KCNB2: variants seen among roughly 807,000 people sequenced by gnomAD.
The protein encoded by KCNB2 is potassium voltage-gated channel subfamily B member 2, also known as delayed rectifier potassium channel protein.
In KCNB2, 15 loss-of-function variants were observed where a neutral mutation model predicts 61.5. The observed-to-expected ratio is 0.24, with a 90% CI of 0.16 to 0.38. The LOEUF is 0.38. Ranked by LOEUF, KCNB2 falls within the 10% of genes least tolerant of loss-of-function variation. The pLI, the probability that KCNB2 is intolerant of heterozygous loss-of-function variation, is 1.00. For synonymous variants in KCNB2, 457 were observed against 446.0 expected (o/e 1.02, Z -0.31); for missense variants, 828 against 1,125.2 (o/e 0.74, Z 3.78).
chr8:72,676,385 G>A (rs531313075), intron 2 of KCNB2, among the ~76,000 whole-genome samples: 59 of 151,822 alleles, frequency 3.9e-4, no homozygotes, highest in African/African-American at 1.4e-3. Flanking sequence ...CAAAAGCATC[G>A]TGGAAAGACT....
At chr8:72,702,483 C>T (rs1036618241) in intron 2 of KCNB2, among the ~76,000 whole-genome samples, 11 of 152,052 alleles carry the variant, frequency 7.2e-5, no homozygotes, top group African/African-American at 2.7e-4. Context: ...GTTATGTCCC[C>T]CAGAGTCTGG....
In KCNB2 at chr8:72,936,968, A is replaced by G. The variant is rs1806917795; in HGVS notation, c.1613A>G (p.Gln538Arg). 6.2e-7 allele frequency: 1 copy of G among 1,614,100 alleles called. No homozygotes were observed. Among genetic ancestry groups the G allele is most frequent in the African/African-American group, 1.3e-5 (1 of 74,944 alleles). ...TCCAGCCCACAGCATCTGAGTGCCC[A>G]GAAACTGGAGATGCTATACAATGAA... ...SSSSPQHLSA[Q>R]KLEMLYNEIT... is the part of the protein sequence containing the mutation. Residue 538 changes from glutamine to arginine, a missense_variant, in exon 3 of 3, where the codon CAG becomes CGG. Coordinates refer to ENST00000523207, the MANE Select transcript of KCNB2 (RefSeq NM_004770.3). This position sits in a 1 kb window ranked among gnomAD's most constrained non-coding sequence, Gnocchi z 5.6.
chr8:72,852,424 A>G (rs564383973), intron 2 of KCNB2, among the ~76,000 whole-genome samples: 65 of 152,314 alleles, frequency 4.3e-4, no homozygotes, highest in African/African-American at 1.5e-3. Flanking sequence ...CATCAGCAGT[A>G]TTTCATATTT....
At chr8:72,728,338 G>A (rs368421919) in intron 2 of KCNB2, among the ~76,000 whole-genome samples, 82 of 152,292 alleles carry the variant, frequency 5.4e-4, no homozygotes, top group Admixed American at 1.0e-3. Context: ...TCACAGAGAA[G>A]CTGATCAAGA....
At chr8:72,604,416 C>A (rs1486228173) in intron 2 of KCNB2, among the ~76,000 whole-genome samples, 1 of 152,104 alleles carries the variant, frequency 6.6e-6, no homozygotes, top group African/African-American at 2.4e-5. Flanking sequence ...ACCTTGAGAT[C>A]AAGTTTGGGA....
intron 2 of KCNB2, among the ~76,000 whole-genome samples, chr8:72,728,594 C>T (rs1807688872): frequency 6.6e-6 from 1 of 151,990 alleles, no homozygotes; most frequent in Non-Finnish European, 1.5e-5. Flanking sequence ...AGATAGATAT[C>T]TATGATATAA....
At chr8:72,577,766 C>T (rs1806821307) in intron 2 of KCNB2, among the ~76,000 whole-genome samples, 1 of 152,142 alleles carries the variant, frequency 6.6e-6, no homozygotes, top group Non-Finnish European at 1.5e-5. Context: ...CGGTGCAGCT[C>T]CAGATGGGTT....
At chr8:72,855,972 G>GA (rs1747910278) in intron 2 of KCNB2, among the ~76,000 whole-genome samples, 1 of 152,166 alleles carries the variant, frequency 6.6e-6, no homozygotes, top group African/African-American at 2.4e-5. Flanking sequence ...ATGCTCTGAA[G>GA]ATAGTTGTTA....
At chr8:72,733,596 A>G (rs556872657) in intron 2 of KCNB2, among the ~76,000 whole-genome samples, 2 of 152,292 alleles carry the variant, frequency 1.3e-5, no homozygotes, top group East Asian at 3.9e-4. Flanking sequence ...AGCAGACTCA[A>G]TGAAGTTTTG....
intron 2 of KCNB2, among the ~76,000 whole-genome samples, chr8:72,577,916 G>A (rs1431657): frequency 0.016 from 2,411 of 152,252 alleles, 56 homozygotes; most frequent in African/African-American, 0.052. Flanking sequence ...AAGGGCAGTT[G>A]TCCTATCTGC....
chr8:72,702,412 T>C (rs1205941781), intron 2 of KCNB2, among the ~76,000 whole-genome samples: 1 of 152,184 alleles, frequency 6.6e-6, no homozygotes, highest in Non-Finnish European at 1.5e-5. Flanking sequence ...ATGGAGTCTG[T>C]ACCAGTATCC....
intron 2 of KCNB2, among the ~76,000 whole-genome samples, chr8:72,934,177 C>T (rs1806849132): frequency 6.6e-6 from 1 of 151,918 alleles, no homozygotes; most frequent in Non-Finnish European, 1.5e-5. Flanking sequence ...CCAGCCTGGG[C>T]AGCAGGGCGA....
At chr8:72,557,358 T>C (rs1806445492) in intron 1 of KCNB2, among the ~76,000 whole-genome samples, 1 of 151,996 alleles carries the variant, frequency 6.6e-6, no homozygotes, top group Non-Finnish European at 1.5e-5. Context: ...AGCTTATATT[T>C]TGAAGAAAAA....
intron 2 of KCNB2, among the ~76,000 whole-genome samples, chr8:72,588,924 A>T (rs1807045137): frequency 6.6e-6 from 1 of 151,998 alleles, no homozygotes; most frequent in Non-Finnish European, 1.5e-5. Context: ...AAAGCAACAA[A>T]AAAAGAAACA....
intron 2 of KCNB2, among the ~76,000 whole-genome samples, chr8:72,788,528 T>C (rs1808880291): frequency 6.6e-6 from 1 of 152,036 alleles, no homozygotes; most frequent in South Asian, 2.1e-4. Context: ...GGCTTCAACA[T>C]ATTATTTTTG....
chr8:72,656,266 G>A (rs1345248833), intron 2 of KCNB2, among the ~76,000 whole-genome samples: 7 of 152,100 alleles, frequency 4.6e-5, no homozygotes, highest in Admixed American at 6.6e-5. Flanking sequence ...GATTAAAAAG[G>A]ATAAAGAAAA....
At chr8:72,664,489 C>T (rs1390284391) in intron 2 of KCNB2, among the ~76,000 whole-genome samples, 3 of 152,156 alleles carry the variant, frequency 2.0e-5, no homozygotes, top group African/African-American at 4.8e-5. Context: ...GGCCTGCTGG[C>T]GAGGGTCAGC....
chr8:72,619,008 A>G, intron 2 of KCNB2: 1 of 317,810 alleles, frequency 3.1e-6, no homozygotes, highest in East Asian at 8.4e-5. Flanking sequence ...TGTTTTTAGA[A>G]CATCCCTGTT....
intron 2 of KCNB2, among the ~76,000 whole-genome samples, chr8:72,782,851 T>C (rs1043696422): frequency 1.3e-5 from 2 of 152,206 alleles, no homozygotes; most frequent in Non-Finnish European, 2.9e-5. Flanking sequence ...CCTCTGGGCC[T>C]TTTTTCTTTT....
Sources: allele counts gnomAD v4.1 joint callset (sites outside exome capture counted in the v4.1 genomes callset), GRCh38; gene constraint gnomAD v4.1.1; non-coding constraint Gnocchi (gnomAD v3.1); transcripts MANE v1.5; gene names NCBI Gene and HGNC (gene_info 2026-07-23, HGNC 2026-07-21).